ZBTB40: variants seen among roughly 807,000 people sequenced by gnomAD.
The protein encoded by ZBTB40 is zinc finger and BTB domain-containing protein 40.
In ZBTB40, 60 loss-of-function variants were observed where a neutral mutation model predicts 117.5. The ratio of observed to expected loss-of-function variants is 0.51; its 90% CI spans 0.41 to 0.63. ZBTB40 has a LOEUF of 0.63. Among genes scored for constraint, ZBTB40 ranks in the 30% least tolerant of loss-of-function variants. ZBTB40 has a pLI of 0.00. For synonymous variants in ZBTB40, 525 were observed against 577.1 expected, an observed-to-expected ratio of 0.91 and a Z score of 1.29; for missense variants, 1,287 against 1,498.5, an observed-to-expected ratio of 0.86 and a Z score of 2.33.
At chr1:22,497,501 AAT>A (rs1215803316) in intron 3 of ZBTB40, among the ~76,000 whole-genome samples, 2 of 152,186 alleles carry the variant, frequency 1.3e-5, no homozygotes, top group African/African-American at 4.8e-5. Context: ...CCTTTCTGTT[AAT>A]GATTAAGCCT....
At position 22,512,120 on chromosome 1, in the gene ZBTB40, T is replaced by C; in HGVS notation, c.2447T>C (p.Phe816Ser). The stretch of plus-strand genomic sequence containing the variant: ...ACATGTGACCTCTGTGGCAGAGAAT[T>C]TGCCCATGCCTCAGGTACGTTCAAG... ...PVTCDLCGRE[F>S]AHASGMQYHK... is the part of the protein sequence containing the mutation. Residue 816 changes from phenylalanine to serine, a missense_variant, in exon 11 of 18, where the codon TTT (phenylalanine) becomes TCT (serine). Physicochemically the swap from Phe to Ser is radical, Grantham distance 155. Coordinates refer to ENST00000375647, the MANE Select transcript of ZBTB40 (RefSeq NM_014870.4). 6.2e-7 allele frequency: 1 copy of C among 1,613,104 alleles called. No homozygotes were observed. Among genetic ancestry groups the C allele is most frequent in the Non-Finnish European group, 8.5e-7 (1 of 1,180,024 alleles).
chr1:22,442,076 T>G (rs960933662), intron 1 of ZBTB40, among the ~76,000 whole-genome samples: 1 of 152,248 alleles, frequency 6.6e-6, no homozygotes, highest in African/African-American at 2.4e-5. Context: ...TTGTGCATTT[T>G]CCACTTTTAC....
chr1:22,491,052 C>G (rs775233884), intron 2 of ZBTB40, among the ~76,000 whole-genome samples: 4 of 152,164 alleles, frequency 2.6e-5, no homozygotes, highest in Non-Finnish European at 5.9e-5. Context: ...TGTGCCACCA[C>G]GCCCAGCTAA....
chr1:22,467,883 C>T (rs916135144), intron 1 of ZBTB40, among the ~76,000 whole-genome samples: 8 of 151,098 alleles, frequency 5.3e-5, no homozygotes, highest in Non-Finnish European at 1.2e-4. Flanking sequence ...CCCTTGAACC[C>T]AGGAGTTCGC....
In ZBTB40 at chr1:22,490,152, C is replaced by T. The variant is rs768054060; in HGVS notation, c.204C>T (p.Pro68=). ...CCATCGATGCATCTGTGGTGAGCCC[C>T]GAGGAGTTTGCGCTCTTGTTGGAAA... ...TISIDASVVS[P]EEFALLLEMM... The change falls in exon 2 of 18, where the codon CCC becomes CCT. Residue 68 remains proline, a synonymous_variant. Coordinates refer to ENST00000375647, the MANE Select transcript of ZBTB40 (RefSeq NM_014870.4). The T allele has an allele frequency of 1.4e-5, 22 of 1,614,006 alleles. No homozygotes were observed. In the Admixed American group the frequency reaches 1.8e-4, roughly 13 times the overall value.
chr1:22,449,353 C>T (rs750750682), upstream of ZBTB40, among the ~76,000 whole-genome samples: 7 of 152,178 alleles, frequency 4.6e-5, no homozygotes, highest in East Asian at 3.9e-4. Flanking sequence ...GTTATTTCTC[C>T]GCAGCTGTCG....
intron 1 of ZBTB40, among the ~76,000 whole-genome samples, chr1:22,475,168 T>C (rs1262743764): frequency 6.6e-6 from 1 of 152,178 alleles, no homozygotes; most frequent in Non-Finnish European, 1.5e-5. Context: ...AACTGTTTAT[T>C]GGGAGGCAAT....
chr1:22,498,575 C>T (rs1638843148), intron 3 of ZBTB40, among the ~76,000 whole-genome samples: 1 of 152,160 alleles, frequency 6.6e-6, no homozygotes, highest in Admixed American at 6.5e-5. Flanking sequence ...AGATGGCCAC[C>T]CTAGCATCAC....
At chr1:22,431,749 T>A (rs200335148) in intron 1 of ZBTB40, among the ~76,000 whole-genome samples, 72 of 133,612 alleles carry the variant, frequency 5.4e-4, no homozygotes, top group African/African-American at 1.6e-3. Flanking sequence ...AAAAAAAAAA[T>A]TTTTGCTGAT....
intron 4 of ZBTB40, 41 bp from the exon 5 acceptor site, chr1:22,502,258 G>T: frequency 6.3e-7 from 1 of 1,598,104 alleles, no homozygotes; most frequent in South Asian, 1.1e-5. Context: ...TCTTCAAATT[G>T]ACTAGCTTCT....
chr1:22,460,546 A>G (rs879260384), intron 1 of ZBTB40, among the ~76,000 whole-genome samples: 5 of 152,196 alleles, frequency 3.3e-5, no homozygotes, highest in Admixed American at 6.5e-5. Context: ...CAACTAAGCA[A>G]TAGGTATTAT....
At position 22,516,487 on chromosome 1, in the gene ZBTB40, A is replaced by G. The variant is rs1021579345; in HGVS notation, c.2669-813A>G. On this transcript the variant is annotated intron_variant, in intron 12 of 17. Coordinates refer to ENST00000375647, the MANE Select transcript of ZBTB40 (RefSeq NM_014870.4). The stretch of plus-strand genomic sequence containing the variant: ...GAGAGATCATCTAGAAACAGGATTG[A>G]GAACGTCAAGGACTAAGCCCCAGGC... Among the ~76,000 whole-genome samples the G allele has an allele frequency of 2.0e-5, 3 of 151,992 alleles. No individual in the cohort carries two copies. The South Asian group carries it at 6.2e-4, about 32-fold the overall frequency.
chr1:22,436,398 G>A (rs1198545461), intron 1 of ZBTB40, among the ~76,000 whole-genome samples: 1 of 152,190 alleles, frequency 6.6e-6, no homozygotes, highest in African/African-American at 2.4e-5. Context: ...TGTAATCCCA[G>A]CTACTCAGGA....
chr1:22,482,848 G>A (rs764973575), intron 1 of ZBTB40, among the ~76,000 whole-genome samples: 1 of 152,152 alleles, frequency 6.6e-6, no homozygotes. Flanking sequence ...GGAGGCCGAG[G>A]CAGGTGGATC....
chr1:22,447,868 G>T (rs926405357), upstream of ZBTB40, among the ~76,000 whole-genome samples: 1 of 152,160 alleles, frequency 6.6e-6, no homozygotes, highest in Non-Finnish European at 1.5e-5. Flanking sequence ...ATTTGGACTG[G>T]AAAAAAGGTA....
chr1:22,432,929 T>C (rs1046254117), intron 1 of ZBTB40, among the ~76,000 whole-genome samples: 1 of 152,202 alleles, frequency 6.6e-6, no homozygotes, highest in African/African-American at 2.4e-5. Context: ...AGTCACGTAG[T>C]TGCAACAGAG....
At chr1:22,459,424 A>G (rs1370484293) in intron 1 of ZBTB40, among the ~76,000 whole-genome samples, 1 of 152,200 alleles carries the variant, frequency 6.6e-6, no homozygotes, top group Non-Finnish European at 1.5e-5. Flanking sequence ...CTTTATCCCA[A>G]TGGCCAGTCA....
intron 1 of ZBTB40, among the ~76,000 whole-genome samples, chr1:22,443,697 T>TC (rs1247956733): frequency 2.6e-5 from 4 of 152,126 alleles, no homozygotes; most frequent in South Asian, 2.1e-4. Flanking sequence ...AATGCAAATT[T>TC]CCCCCGCAAG....
intron 1 of ZBTB40, among the ~76,000 whole-genome samples, chr1:22,481,290 A>G (rs1007779219): frequency 2.6e-5 from 4 of 152,016 alleles, no homozygotes; most frequent in Admixed American, 2.0e-4. Flanking sequence ...TATTGCATTA[A>G]TCTCAGTAAA....
Sources: allele counts gnomAD v4.1 joint callset (sites outside exome capture counted in the v4.1 genomes callset), GRCh38; gene constraint gnomAD v4.1.1; transcripts MANE v1.5; gene names NCBI Gene and HGNC (gene_info 2026-07-23, HGNC 2026-07-21).